The following SENP7 variants were observed in gnomAD, a reference collection of about 807,000 sequenced individuals.
SENP7 encodes SUMO specific peptidase 7.
Under a neutral mutation model 141.2 loss-of-function variants are expected in SENP7, and 64 were observed. That is an observed-to-expected ratio of 0.45 (90% confidence interval 0.37 to 0.56). The LOEUF is 0.56. Among genes scored for constraint, SENP7 ranks in the 20% least tolerant of loss-of-function variants. SENP7 has a pLI of 0.00. For synonymous variants in SENP7, 382 were observed against 426.4 expected (o/e 0.90, Z 1.28); for missense variants, 1,025 against 1,212.2 (o/e 0.85, Z 2.29).
intron 12 of SENP7, among the ~76,000 whole-genome samples, chr3:101,349,581 G>T (rs2059561633): frequency 6.6e-6 from 1 of 152,048 alleles, no homozygotes; most frequent in Non-Finnish European, 1.5e-5. Context: ...TATACCTAAT[G>T]CTAAATGACG....
In SENP7 at chr3:101,324,864, T is replaced by C. The variant is rs557002533; in HGVS notation, c.*1079A>G. ...GAAAGTTCTGAAGTGTTTAATCATA[T>C]ATAATGCCACCATTATCACATGAAT... On this transcript the variant is annotated 3_prime_UTR_variant, in exon 24 of 24. Coordinates refer to ENST00000394095, the MANE Select transcript of SENP7 (RefSeq NM_020654.5). 1 of 152,170 alleles carries C rather than the reference T, an allele frequency of 6.6e-6. No homozygotes were observed. Among genetic ancestry groups the C allele is most frequent in the East Asian group, 1.9e-4 (1 of 5,178 alleles). The allele number at this position is 152,170 out of a possible 1,614,324, so 9.4% of individuals were successfully genotyped here. A position where few individuals can be genotyped will look rare whatever the true frequency, so the allele number is the denominator to read the frequency against.
intron 4 of SENP7, among the ~76,000 whole-genome samples, chr3:101,451,271 G>A (rs1322232970): frequency 2.0e-5 from 3 of 152,088 alleles, no homozygotes; most frequent in South Asian, 2.1e-4. Context: ...ATTCACAGCC[G>A]AATTCTACCA....
chr3:101,436,986 T>C (rs983617240), intron 4 of SENP7, among the ~76,000 whole-genome samples: 3 of 152,170 alleles, frequency 2.0e-5, no homozygotes, highest in Admixed American at 6.5e-5. Context: ...CATTAATAGA[T>C]GAATGGATAA....
chr3:101,338,255 C>T (rs546808328), intron 16 of SENP7, among the ~76,000 whole-genome samples: 12 of 152,132 alleles, frequency 7.9e-5, no homozygotes, highest in African/African-American at 2.6e-4. Flanking sequence ...AATAAAGTAC[C>T]TGCCCCTGTA....
intron 4 of SENP7, among the ~76,000 whole-genome samples, chr3:101,429,951 G>A (rs1295307278): frequency 1.3e-5 from 2 of 152,064 alleles, no homozygotes; most frequent in African/African-American, 4.8e-5. Context: ...TAATCATGTG[G>A]TTTTTGTCGT....
chr3:101,385,539 A>C (rs2060629262), intron 6 of SENP7, among the ~76,000 whole-genome samples: 1 of 152,210 alleles, frequency 6.6e-6, no homozygotes, highest in Non-Finnish European at 1.5e-5. Context: ...AACCCCGTCC[A>C]ACTGCTGAAC....
chr3:101,326,941 T>C (rs1039303571), intron 23 of SENP7, among the ~76,000 whole-genome samples: 2 of 152,112 alleles, frequency 1.3e-5, no homozygotes, highest in African/African-American at 4.8e-5. Flanking sequence ...TCCTATCTTC[T>C]ACTGTATCTA....
At chr3:101,459,330 G>C (rs971655728) in intron 3 of SENP7, among the ~76,000 whole-genome samples, 1 of 152,060 alleles carries the variant, frequency 6.6e-6, no homozygotes, top group Non-Finnish European at 1.5e-5. Flanking sequence ...ATTAAAATCT[G>C]GAATGTACTT....
chr3:101,365,634 CAA>C (rs1010380283), intron 9 of SENP7, among the ~76,000 whole-genome samples: 143 of 62,110 alleles, frequency 2.3e-3, no homozygotes, highest in African/African-American at 5.6e-3. Context: ...GACTCTGTCT[CAA>C]AAAAAAAAAA....
chr3:101,469,336 C>T (rs1041820730), intron 3 of SENP7, among the ~76,000 whole-genome samples: 3 of 152,142 alleles, frequency 2.0e-5, no homozygotes, highest in African/African-American at 7.2e-5. Context: ...CAATATTACA[C>T]AGATAAACGA....
intron 14 of SENP7, 137 bp downstream of exon 14, chr3:101,343,549 T>C (rs2059381889): frequency 4.4e-6 from 3 of 680,034 alleles, no homozygotes; most frequent in Non-Finnish European, 4.8e-6. Flanking sequence ...TGTTCCAGCA[T>C]TGGCAACGGG....
At chr3:101,456,843 A>G (rs1397329238) in intron 4 of SENP7, among the ~76,000 whole-genome samples, 1 of 152,138 alleles carries the variant, frequency 6.6e-6, no homozygotes, top group Non-Finnish European at 1.5e-5. Context: ...CCTAAGCCGT[A>G]CTTGAACTCC....
At chr3:101,466,275 T>A (rs2063754602) in intron 3 of SENP7, among the ~76,000 whole-genome samples, 2 of 152,072 alleles carry the variant, frequency 1.3e-5, no homozygotes, top group Admixed American at 6.6e-5. Context: ...AGTACAAAAT[T>A]CCTCAAATAG....
intron 5 of SENP7, among the ~76,000 whole-genome samples, chr3:101,412,478 A>G (rs2061482797): frequency 6.6e-6 from 1 of 152,144 alleles, no homozygotes; most frequent in South Asian, 2.1e-4. Flanking sequence ...GGCTTTAAAA[A>G]TCTTAAAATG....
At chr3:101,351,688 A>T (rs1451228568) in intron 11 of SENP7, 37 bp from the exon 12 acceptor site, 2 of 1,294,328 alleles carry the variant, frequency 1.5e-6, no homozygotes, top group Non-Finnish European at 2.0e-6. Context: ...ATGAGTTACC[A>T]CTCAAAATGT....
chr3:101,458,683 A>G (rs2063440795), intron 4 of SENP7: 2 of 214,132 alleles, frequency 9.3e-6, no homozygotes, highest in African/African-American at 4.6e-5. Flanking sequence ...TGCTGATCGC[A>G]AACAATGATT....
chr3:101,367,117 C>T (rs943052056), intron 8 of SENP7, among the ~76,000 whole-genome samples: 5 of 152,094 alleles, frequency 3.3e-5, no homozygotes, highest in Non-Finnish European at 7.4e-5. Flanking sequence ...AATGTGACTA[C>T]TTTGGTAAAA....
intron 3 of SENP7, among the ~76,000 whole-genome samples, chr3:101,476,778 TTAATG>T (rs2064235935): frequency 6.6e-6 from 1 of 152,222 alleles, no homozygotes; most frequent in African/African-American, 2.4e-5. Context: ...TCCTGAGTTT[TTAATG>T]ATTGCCATTC....
rs1553751527 is a variant in SENP7 at position 101,479,921 on chromosome 3, AAC to A, written c.186+13950_186+13951del. Among the ~76,000 whole-genome samples, 30 of 72,564 alleles carry A rather than the reference AAC, an allele frequency of 4.1e-4. 1 individual carries two copies. The highest frequency in any genetic ancestry group is 1.1e-3 in the African/African-American group (22 of 19,340). The allele number at this position is 72,564 out of a possible 152,430, so 47.6% of individuals were successfully genotyped here. Reference sequence around the variant, plus strand: ...AAAAAAAAAAAAAAAAAAAAAAAAAAACACACACACACACACACAAACAAAAA... The same window carrying A: ...AAAAAAAAAAAAAAAAAAAAAAAAAAACACACACACACACACAAACAAAAA... On this transcript the variant is annotated intron_variant, in intron 3 of 23. Coordinates refer to ENST00000394095, the MANE Select transcript of SENP7 (RefSeq NM_020654.5).
Sources: allele counts gnomAD v4.1 joint callset (sites outside exome capture counted in the v4.1 genomes callset), GRCh38; gene constraint gnomAD v4.1.1; transcripts MANE v1.5; gene names NCBI Gene and HGNC (gene_info 2026-07-23, HGNC 2026-07-21).